MARCHF1: variants seen among roughly 807,000 people sequenced by gnomAD.
The protein encoded by MARCHF1 is membrane associated ring-CH-type finger 1, also known as E3 ubiquitin-protein ligase MARCHF1.
A neutral mutation model predicts 54.2 loss-of-function variants in MARCHF1; 40 were observed. The observed-to-expected ratio is 0.74, with a 90% CI of 0.57 to 0.96. The LOEUF is 0.96. Among genes scored for constraint, MARCHF1 ranks in the 40% least tolerant of loss-of-function variants. The probability of loss-of-function intolerance (pLI) is 0.00; values close to 1 mark genes in which losing one functional copy is unlikely to be tolerated. For missense variants in MARCHF1, 586 were observed against 656.5 expected, an observed-to-expected ratio of 0.89 and a Z score of 1.17; for synonymous variants, 236 against 236.3, an observed-to-expected ratio of 1.00 and a Z score of 0.01.
chr4:163,733,220 T>TGC (rs2052832650), intron 4 of MARCHF1, among the ~76,000 whole-genome samples: 1 of 29,668 alleles, frequency 3.4e-5, no homozygotes, highest in African/African-American at 8.2e-5. Flanking sequence ...TATATATATA[T>TGC]ACACGTGTAT....
At chr4:163,657,410 G>C (rs901631000) in intron 5 of MARCHF1, among the ~76,000 whole-genome samples, 3 of 151,948 alleles carry the variant, frequency 2.0e-5, no homozygotes, top group African/African-American at 7.2e-5. Flanking sequence ...AAATAAGAGA[G>C]GACACAAACA....
chr4:164,082,642 AGT>A (rs1367138722), intron 2 of MARCHF1, among the ~76,000 whole-genome samples: 1 of 152,188 alleles, frequency 6.6e-6, no homozygotes, highest in Non-Finnish European at 1.5e-5. Flanking sequence ...AAAGACATCA[AGT>A]AATTGGGCAT....
chr4:164,197,046 T>G, intron 1 of MARCHF1: 1 of 1,605,820 alleles, frequency 6.2e-7, no homozygotes, highest in Non-Finnish European at 8.5e-7. Flanking sequence ...CACCAAGCTC[T>G]TCTTCATCTT....
chr4:164,334,276 G>A (rs996744653), intron 1 of MARCHF1, among the ~76,000 whole-genome samples: 1 of 152,160 alleles, frequency 6.6e-6, no homozygotes, highest in African/African-American at 2.4e-5. Context: ...GATAGAGAGA[G>A]AAGTCAATGC....
chr4:163,708,724 A>G (rs913752381), intron 4 of MARCHF1, among the ~76,000 whole-genome samples: 1 of 152,152 alleles, frequency 6.6e-6, no homozygotes, highest in African/African-American at 2.4e-5. Flanking sequence ...GGAAAAAGTC[A>G]TGGAAAGTTA....
intron 8 of MARCHF1, among the ~76,000 whole-genome samples, chr4:163,572,575 G>C (rs1218697056): frequency 6.6e-6 from 1 of 152,016 alleles, no homozygotes; most frequent in Non-Finnish European, 1.5e-5. Flanking sequence ...TTATATTTTA[G>C]TTAAAAAATG....
chr4:163,684,667 C>T (rs890896962), intron 5 of MARCHF1, among the ~76,000 whole-genome samples: 1 of 152,194 alleles, frequency 6.6e-6, no homozygotes, highest in African/African-American at 2.4e-5. Context: ...CTTAAGTACT[C>T]AATAGCCCAT....
At chr4:164,197,426 T>A (rs1269186698) in intron 1 of MARCHF1, 1 of 1,613,536 alleles carries the variant, frequency 6.2e-7, no homozygotes, top group East Asian at 2.2e-5. Context: ...AGGTCTTTAA[T>A]TTTGTTGCCA....
chr4:164,023,322 G>A (rs1213136881), intron 2 of MARCHF1, among the ~76,000 whole-genome samples: 1 of 152,160 alleles, frequency 6.6e-6, no homozygotes. Flanking sequence ...AGGTAAGGGT[G>A]TCATTTGTCT....
chr4:164,167,371 G>T (rs1730409314), intron 1 of MARCHF1, among the ~76,000 whole-genome samples: 1 of 151,762 alleles, frequency 6.6e-6, no homozygotes, highest in African/African-American at 2.4e-5. Context: ...GCAACATGCA[G>T]AATTAACACA....
chr4:163,550,507 CTTTTTTTTT>C (rs35963243), intron 8 of MARCHF1, among the ~76,000 whole-genome samples: 1 of 142,218 alleles, frequency 7.0e-6, no homozygotes, highest in African/African-American at 2.6e-5. Context: ...TACGGTAGCC[CTTTTTTTTT>C]TTTTTTTTGG....
chr4:163,656,664 AC>A (rs1027731482), intron 5 of MARCHF1, among the ~76,000 whole-genome samples: 1 of 152,148 alleles, frequency 6.6e-6, no homozygotes, highest in African/African-American at 2.4e-5. Context: ...TCAGTAAAAT[AC>A]TAGCAAATAG....
intron 1 of MARCHF1, among the ~76,000 whole-genome samples, chr4:164,282,778 C>T (rs1029884992): frequency 1.3e-5 from 2 of 151,272 alleles, no homozygotes; most frequent in African/African-American, 4.9e-5. Flanking sequence ...CAGGCTCTGC[C>T]TGTCCATCTC....
At chr4:163,779,712 A>C (rs967887222) in intron 4 of MARCHF1, among the ~76,000 whole-genome samples, 1 of 152,202 alleles carries the variant, frequency 6.6e-6, no homozygotes, top group Non-Finnish European at 1.5e-5. Context: ...AACAGGGAAC[A>C]AAGTGGGAGA....
At chr4:164,071,192 G>A (rs1167800392) in intron 2 of MARCHF1, among the ~76,000 whole-genome samples, 6 of 152,122 alleles carry the variant, frequency 3.9e-5, no homozygotes, top group African/African-American at 1.2e-4. Flanking sequence ...TAAGCAAGCA[G>A]CATTTTATCT....
At chr4:164,154,931 G>A (rs1730037832) in intron 1 of MARCHF1, among the ~76,000 whole-genome samples, 1 of 152,182 alleles carries the variant, frequency 6.6e-6, no homozygotes, top group Admixed American at 6.5e-5. Context: ...TGGATGGGGA[G>A]CTGGACAGGG....
chr4:163,579,627 G>A (rs1560953669), intron 8 of MARCHF1, among the ~76,000 whole-genome samples: 1 of 152,202 alleles, frequency 6.6e-6, no homozygotes, highest in Non-Finnish European at 1.5e-5. Flanking sequence ...TTTCCCTAGA[G>A]TGTTCTCAGT....
chr4:164,260,214 A>C (rs1161199671), intron 1 of MARCHF1, among the ~76,000 whole-genome samples: 1 of 152,174 alleles, frequency 6.6e-6, no homozygotes, highest in African/African-American at 2.4e-5. Context: ...AAACACATGC[A>C]TCACTACTAA....
At chr4:164,170,929 G>T (rs549055202) in intron 1 of MARCHF1, among the ~76,000 whole-genome samples, 2 of 151,892 alleles carry the variant, frequency 1.3e-5, no homozygotes, top group South Asian at 4.2e-4. Context: ...TAATTATGAC[G>T]GCTCCTATGT....
Sources: gnomAD v4.1 joint callset for allele counts (sites outside exome capture counted in the v4.1 genomes callset) on GRCh38, gnomAD v4.1.1 for gene constraint, MANE v1.5 for transcripts, NCBI Gene and HGNC (gene_info 2026-07-23, HGNC 2026-07-21) for gene names.